Variants in TIMM17A observed in about 807,000 individuals in gnomAD.
The protein encoded by TIMM17A is translocase of inner mitochondrial membrane 17A, also known as mitochondrial import inner membrane translocase subunit Tim17-A.
TIMM17A carries 15 observed loss-of-function variants against 26.5 expected under a neutral mutation model. The observed-to-expected ratio is 0.57, with a 90% CI of 0.38 to 0.87. The LOEUF is 0.87. TIMM17A is among the 40% of genes least tolerant of loss of function. The pLI is 0.00. For missense variants in TIMM17A, 201 were observed against 210.0 expected, an observed-to-expected ratio of 0.96 and a Z score of 0.27; for synonymous variants, 80 against 70.8, an observed-to-expected ratio of 1.13 and a Z score of -0.66.
At chr1:201,956,205 A>G (rs957813882) in intron 1 of TIMM17A, among the ~76,000 whole-genome samples, 1 of 152,214 alleles carries the variant, frequency 6.6e-6, no homozygotes, top group Admixed American at 6.5e-5. Flanking sequence ...ACAGAAATTC[A>G]TTGTTACATC....
intron 5 of TIMM17A, among the ~76,000 whole-genome samples, chr1:201,966,316 C>G (rs1204826653): frequency 6.6e-6 from 1 of 150,434 alleles, no homozygotes; most frequent in African/African-American, 2.5e-5. Context: ...GAGCCGAGAT[C>G]ACACCACTGC....
At chr1:201,957,457 G>C in intron 2 of TIMM17A, 54 bp from the exon 3 acceptor site, 1 of 1,591,440 alleles carries the variant, frequency 6.3e-7, no homozygotes, top group Non-Finnish European at 8.6e-7. Context: ...CCCATCAGTG[G>C]CTTAGAAATG....
At chr1:201,960,455 C>T (rs569519689) in intron 3 of TIMM17A, among the ~76,000 whole-genome samples, 156 of 151,974 alleles carry the variant, frequency 1.0e-3, no homozygotes, top group African/African-American at 3.5e-3. Context: ...ACAGATGCTC[C>T]ATGCTAATGT....
chr1:201,958,314 A>G (rs1288254144), intron 3 of TIMM17A, among the ~76,000 whole-genome samples: 2 of 152,204 alleles, frequency 1.3e-5, no homozygotes, highest in Non-Finnish European at 2.9e-5. Flanking sequence ...GAAAATTTGA[A>G]AAGATTCTAT....
chr1:201,958,296 G>C (rs1174471015), intron 3 of TIMM17A, among the ~76,000 whole-genome samples: 1 of 152,224 alleles, frequency 6.6e-6, no homozygotes, highest in Non-Finnish European at 1.5e-5. Flanking sequence ...ATTGTGCAGA[G>C]GTCATTGGAA....
At chr1:201,964,151 G>C (rs1395614270) in intron 4 of TIMM17A, among the ~76,000 whole-genome samples, 2 of 151,770 alleles carry the variant, frequency 1.3e-5, no homozygotes, top group Admixed American at 1.3e-4. Flanking sequence ...AGTATATGGT[G>C]ATTTGAAAAA....
At position 201,955,513 on chromosome 1, in the gene TIMM17A, G is replaced by A. The variant is rs771201384; in HGVS notation, c.-14G>A. The A allele has an allele frequency of 6.2e-7, 1 of 1,614,240 alleles. No individual in the cohort carries two copies. The highest frequency in any genetic ancestry group is 8.5e-7 in the Non-Finnish European group (1 of 1,180,054). On this transcript the variant is annotated 5_prime_UTR_variant, in exon 1 of 6. Coordinates refer to ENST00000367287, the MANE Select transcript of TIMM17A (RefSeq NM_006335.3). ...CCCAGCTTGCCCGGCATCACTCGCG[G>A]CATTGGAGTCAAGATGGAGGAGTAC...
At chr1:201,959,900 C>G (rs1682492529) in intron 3 of TIMM17A, among the ~76,000 whole-genome samples, 1 of 151,980 alleles carries the variant, frequency 6.6e-6, no homozygotes, top group Admixed American at 6.6e-5. Context: ...CCTTGGGAGG[C>G]TGAGGCACAA....
rs758887721 is a variant in TIMM17A at position 201,955,565 on chromosome 1, G to A, written c.26+13G>A. ...CGCGAGAGCCTTGGTGAGCTTCACC[G>A]CTGTCTTTGCATTTCTCTTGCCCCC... On this transcript the variant is annotated intron_variant, in intron 1 of 5. Transcript: ENST00000367287. 3 of 1,614,198 alleles carry A rather than the reference G, an allele frequency of 1.9e-6. No homozygotes were observed. Among genetic ancestry groups the A allele is most frequent in the Non-Finnish European group, 2.5e-6 (3 of 1,180,014 alleles).
At chr1:201,969,146 A>G (rs2102947395) in intron 5 of TIMM17A, among the ~76,000 whole-genome samples, 1 of 152,334 alleles carries the variant, frequency 6.6e-6, no homozygotes, top group African/African-American at 2.4e-5. Flanking sequence ...TAATCTTGAT[A>G]TATGGCAGCT....
intron 5 of TIMM17A, 64 bp downstream of exon 5, chr1:201,965,607 G>T (rs1296564750): frequency 2.9e-6 from 3 of 1,048,802 alleles, no homozygotes; most frequent in Admixed American, 1.7e-5. Flanking sequence ...TGTTAAGAAA[G>T]AACATACTTT....
chr1:201,970,209 G>C lies in TIMM17A; in HGVS notation c.*655G>C, dbSNP rs1463388057. ...TTAGGGCTACTGAGTCTTGATTCCTGATCATCAGAAATTTCACCAGAAACA... is the reference window on the plus strand; with the variant it reads ...TTAGGGCTACTGAGTCTTGATTCCTCATCATCAGAAATTTCACCAGAAACA... On this transcript the variant is annotated 3_prime_UTR_variant, in exon 6 of 6. Transcript: ENST00000367287. The C allele has an allele frequency of 6.6e-6, 1 of 152,204 alleles. No individual in the cohort carries two copies. The highest frequency in any genetic ancestry group is 1.5e-5 in the Non-Finnish European group (1 of 68,034). 9.4% of individuals were successfully genotyped at this position (152,204 alleles called of 1,614,324 possible). A position where few individuals can be genotyped will look rare whatever the true frequency, so the allele number is the denominator to read the frequency against.
At chr1:201,968,872 C>A (rs1682683688) in intron 5 of TIMM17A, among the ~76,000 whole-genome samples, 1 of 144,934 alleles carries the variant, frequency 6.9e-6, no homozygotes, top group South Asian at 2.4e-4. Context: ...TTGATTCATC[C>A]CCTAAAAGTC....
chr1:201,958,501 G>A (rs1682469123), intron 3 of TIMM17A, among the ~76,000 whole-genome samples: 2 of 152,254 alleles, frequency 1.3e-5, no homozygotes, highest in Non-Finnish European at 1.5e-5. Context: ...TCAGGAGTTC[G>A]AGACCAGCCT....
chr1:201,958,936 C>G (rs1571603350), intron 3 of TIMM17A, among the ~76,000 whole-genome samples: 1 of 151,992 alleles, frequency 6.6e-6, no homozygotes, highest in Admixed American at 6.6e-5. Flanking sequence ...TCCTTTGTTC[C>G]CTGTGTAAGA....
At chr1:201,964,046 G>C (rs887945228) in intron 4 of TIMM17A, among the ~76,000 whole-genome samples, 2 of 151,974 alleles carry the variant, frequency 1.3e-5, no homozygotes, top group African/African-American at 4.8e-5. Flanking sequence ...TTGAGCCACC[G>C]CACTCTCACC....
intron 5 of TIMM17A, among the ~76,000 whole-genome samples, chr1:201,968,202 C>T (rs1174575389): frequency 6.6e-6 from 1 of 151,588 alleles, no homozygotes; most frequent in African/African-American, 2.4e-5. Flanking sequence ...GCAGTTTCAC[C>T]ATATTGGTCA....
In TIMM17A at chr1:201,963,742, G is replaced by T. The variant is rs747745292; in HGVS notation, c.317G>T (p.Arg106Ile). Residue 106 changes from arginine to isoleucine, a missense_variant and splice_region_variant, in exon 4 of 6, where the codon AGA (arginine) becomes ATA (isoleucine). Coordinates refer to ENST00000367287, the MANE Select transcript of TIMM17A (RefSeq NM_006335.3). ...GALTGAILAA[R>I]NGPVAMVGSA... ...TTAACGGGAGCCATACTGGCAGCAA[G>T]AAGTAAGTAGTCATTACAGACATAC... 6.3e-7 allele frequency: 1 copy of T among 1,596,612 alleles called. No individual in the cohort carries two copies. Among genetic ancestry groups the T allele is most frequent in the South Asian group, 1.1e-5 (1 of 87,718 alleles).
At chr1:201,966,251 C>G (rs1682623741) in intron 5 of TIMM17A, among the ~76,000 whole-genome samples, 1 of 152,100 alleles carries the variant, frequency 6.6e-6, no homozygotes, top group South Asian at 2.1e-4. Context: ...ACCTATAGTC[C>G]TAGCTACTCA....
Sources: gnomAD v4.1 joint callset for allele counts (sites outside exome capture counted in the v4.1 genomes callset) on GRCh38, gnomAD v4.1.1 for gene constraint, MANE v1.5 for transcripts, NCBI Gene and HGNC (gene_info 2026-07-23, HGNC 2026-07-21) for gene names.